Variants in EPB41L4B observed in about 807,000 individuals in gnomAD.
EPB41L4B encodes the protein band 4.1-like protein 4B.
EPB41L4B carries 30 observed loss-of-function variants against 112.5 expected under a neutral mutation model. That is an observed-to-expected ratio of 0.27 (90% CI 0.20 to 0.36). The LOEUF is 0.36. EPB41L4B is among the 10% of genes least tolerant of loss of function. The pLI is 1.00. For synonymous variants in EPB41L4B, 408 were observed against 439.7 expected (o/e 0.93, Z 0.90); for missense variants, 1,024 against 1,133.3 (o/e 0.90, Z 1.38).
rs919063403 is a variant in EPB41L4B, at chr9:109,321,032, CGCT to C, written c.-589_-587del. 1.1e-4 allele frequency: 21 copies of C among 187,544 alleles called. 1 individual carries two copies. The highest frequency in any genetic ancestry group is 2.6e-4 in the African/African-American group (11 of 41,590). The allele number at this position is 187,544 out of a possible 1,614,324, so 11.6% of individuals were successfully genotyped here. On this transcript the variant is annotated 5_prime_UTR_variant, in exon 1 of 26. Transcript: ENST00000374566. ...CAGCCGCCGCCGCCGCCGCCGCCGC[CGCT>C]GCCGCCGGGACTGCAGCACGCCCTC... is the stretch of plus-strand genomic sequence containing the variant.
intron 21 of EPB41L4B, 40 bp from the exon 22 acceptor site, chr9:109,192,395 T>A (rs763010434): frequency 6.7e-7 from 1 of 1,481,620 alleles, no homozygotes; most frequent in South Asian, 1.2e-5. Flanking sequence ...GAGACGGCAC[T>A]GCATTGATGA....
At chr9:109,286,950 G>A (rs1234503237) in intron 1 of EPB41L4B, among the ~76,000 whole-genome samples, 1 of 152,196 alleles carries the variant, frequency 6.6e-6, no homozygotes, top group African/African-American at 2.4e-5. Context: ...CTACCTTTGA[G>A]TTCTTGCATC....
At position 109,176,650 on chromosome 9, in the gene EPB41L4B, G is replaced by C. The variant is rs1831852261; in HGVS notation, c.2534C>G (p.Ser845Cys). ...SKLQCCPGPT[S>C]PLIPAATLRP... ...CAGGGTCGCTGCTGGGATCAGCGGGGAAGTCGGGCCAGGACAGCACTGTAA... is the reference window on the plus strand; with the variant it reads ...CAGGGTCGCTGCTGGGATCAGCGGGCAAGTCGGGCCAGGACAGCACTGTAA... The change falls in exon 25 of 26, where the codon TCC becomes TGC. Residue 845 changes from serine (S) to cysteine (C), a missense_variant. Ser to Cys is a moderately radical substitution (Grantham distance 112). Coordinates refer to ENST00000374566, the MANE Select transcript of EPB41L4B (RefSeq NM_019114.5). 6.2e-7 allele frequency: 1 copy of C among 1,613,948 alleles called. No individual in the cohort carries two copies.
chr9:109,240,002 A>G, intron 15 of EPB41L4B: 1 of 985,448 alleles, frequency 1.0e-6, no homozygotes, highest in Non-Finnish European at 1.2e-6. Context: ...TGCCAAGAGC[A>G]GCCTCATTCT....
At chr9:109,243,383 T>G (rs1056817275) in intron 15 of EPB41L4B, among the ~76,000 whole-genome samples, 3 of 152,080 alleles carry the variant, frequency 2.0e-5, no homozygotes, top group African/African-American at 7.2e-5. Flanking sequence ...ATATATGAGA[T>G]CAGAATGATT....
chr9:109,176,050 GCACACACACA>G (rs58215877), intron 25 of EPB41L4B, among the ~76,000 whole-genome samples: 6 of 32,926 alleles, frequency 1.8e-4, no homozygotes, highest in African/African-American at 5.0e-4. Context: ...TCACACACAC[GCACACACACA>G]CACACACACA....
chr9:109,223,475 A>G (rs924348892), intron 15 of EPB41L4B, among the ~76,000 whole-genome samples: 3 of 151,610 alleles, frequency 2.0e-5, no homozygotes, highest in Non-Finnish European at 2.9e-5. Flanking sequence ...GCATAATGGT[A>G]TCCTCTGGAA....
chr9:109,249,702 C>T (rs1834710086), intron 13 of EPB41L4B, among the ~76,000 whole-genome samples: 2 of 152,056 alleles, frequency 1.3e-5, no homozygotes, highest in Non-Finnish European at 2.9e-5. Flanking sequence ...AAGAAAGGTA[C>T]AGATACCATT....
chr9:109,176,915 T>C (rs1057340137), intron 24 of EPB41L4B, among the ~76,000 whole-genome samples: 1 of 152,292 alleles, frequency 6.6e-6, no homozygotes, highest in Non-Finnish European at 1.5e-5. Context: ...TTATATTTCC[T>C]CACATCTTAG....
intron 13 of EPB41L4B, among the ~76,000 whole-genome samples, chr9:109,249,071 A>AT (rs1588170392): frequency 3.1e-4 from 37 of 118,876 alleles, no homozygotes; most frequent in East Asian, 1.3e-3. Flanking sequence ...AAAAAAAAAA[A>AT]AATATATATA....
At chr9:109,247,613 T>C (rs1564291829) in intron 14 of EPB41L4B, 143 bp downstream of exon 14, 1 of 523,604 alleles carries the variant, frequency 1.9e-6, no homozygotes, top group South Asian at 5.5e-5. Flanking sequence ...AAAACAAATA[T>C]TGTTATTATT....
At chr9:109,205,324 G>T (rs575485183) in intron 18 of EPB41L4B, among the ~76,000 whole-genome samples, 12 of 152,054 alleles carry the variant, frequency 7.9e-5, no homozygotes, top group Non-Finnish European at 1.5e-4. Flanking sequence ...TTACCTATTT[G>T]TCATCTCTTC....
At chr9:109,279,964 G>A in intron 1 of EPB41L4B, 43 bp from the exon 2 acceptor site, 1 of 1,475,236 alleles carries the variant, frequency 6.8e-7, no homozygotes, top group Non-Finnish European at 9.3e-7. Flanking sequence ...GGGTGAGACA[G>A]CTAGATAAGA....
At chr9:109,192,389 C>G in intron 21 of EPB41L4B, 34 bp from the exon 22 acceptor site, 1 of 1,530,466 alleles carries the variant, frequency 6.5e-7, no homozygotes, top group Non-Finnish European at 8.9e-7. Context: ...TGGTTAGAGA[C>G]GGCACTGCAT....
intron 5 of EPB41L4B, 118 bp from the exon 6 acceptor site, chr9:109,263,220 G>T: frequency 1.4e-6 from 1 of 714,618 alleles, no homozygotes; most frequent in East Asian, 2.8e-5. Context: ...TGTATTCTTA[G>T]TCATATTTTT....
rs3983533 is a variant in EPB41L4B, at chr9:109,318,150, C to CGTGTGTGTGTGTGT, written c.306+1977_306+1990dup. Among the ~76,000 whole-genome samples, 6 of 149,592 alleles carry CGTGTGTGTGTGTGT rather than the reference C, an allele frequency of 4.0e-5. 1 individual carries two copies. The highest frequency in any genetic ancestry group is 1.2e-4 in the African/African-American group (5 of 40,818). On this transcript the variant is annotated intron_variant, in intron 1 of 25. Coordinates refer to ENST00000374566, the MANE Select transcript of EPB41L4B (RefSeq NM_019114.5). Reference sequence around the variant, plus strand: ...TCTGCCTGTGGACAGGGGGCATATACGTGTGTGTGTGTGTGTGTGTGTGTG... The same window carrying CGTGTGTGTGTGTGT: ...TCTGCCTGTGGACAGGGGGCATATACGTGTGTGTGTGTGTGTGTGTGTGTGTGTGTGTGTGTGTG...
At chr9:109,286,193 G>GTGGA (rs1210969065) in intron 1 of EPB41L4B, among the ~76,000 whole-genome samples, 74 of 148,890 alleles carry the variant, frequency 5.0e-4, no homozygotes, top group South Asian at 1.7e-3. Flanking sequence ...GGATGGATGG[G>GTGGA]TGGATGGATG....
At chr9:109,307,018 T>TG (rs1564334976) in intron 1 of EPB41L4B, among the ~76,000 whole-genome samples, 2 of 146,964 alleles carry the variant, frequency 1.4e-5, no homozygotes, top group East Asian at 2.3e-4. Context: ...TGCAGTTGTT[T>TG]TTTTTTTTTT....
intron 19 of EPB41L4B, among the ~76,000 whole-genome samples, chr9:109,203,282 G>A (rs760565974): frequency 7.9e-5 from 12 of 152,204 alleles, no homozygotes; most frequent in Non-Finnish European, 1.6e-4. Context: ...CTGGAGTTGT[G>A]AGCAGAGGCC....
Sources: allele counts gnomAD v4.1 joint callset (sites outside exome capture counted in the v4.1 genomes callset), GRCh38; gene constraint gnomAD v4.1.1; transcripts MANE v1.5; gene names NCBI Gene and HGNC (gene_info 2026-07-23, HGNC 2026-07-21).